The following CACNA1E variants were observed in gnomAD, a reference collection of about 807,000 sequenced individuals.
CACNA1E encodes voltage-dependent R-type calcium channel subunit alpha-1E.
CACNA1E carries 40 observed loss-of-function variants against 259.2 expected under a neutral mutation model. The observed-to-expected ratio is 0.15, with a 90% confidence interval of 0.12 to 0.20. The LOEUF is 0.20. CACNA1E is among the 10% of genes least tolerant of loss of function. The probability of loss-of-function intolerance (pLI) is 1.00; values close to 1 mark genes in which losing one functional copy is unlikely to be tolerated. For synonymous variants in CACNA1E, 1,104 were observed against 1,138.5 expected, an observed-to-expected ratio of 0.97 and a Z score of 0.61; for missense variants, 1,874 against 3,040.1, an observed-to-expected ratio of 0.62 and a Z score of 9.02.
chr1:181,481,687 T>G (rs1389943535), upstream of CACNA1E, among the ~76,000 whole-genome samples: 1 of 152,136 alleles, frequency 6.6e-6, no homozygotes, highest in African/African-American at 2.4e-5. Context: ...CCAGCTAGTG[T>G]GGACATGGGA....
chr1:181,349,365 C>G (rs1166144243), intron 1 of CACNA1E, among the ~76,000 whole-genome samples: 3 of 152,228 alleles, frequency 2.0e-5, no homozygotes, highest in Admixed American at 1.3e-4. Flanking sequence ...GAGAGGAAGC[C>G]TCGGGGAGCC....
At chr1:181,661,406 T>C (rs1365236988) in intron 7 of CACNA1E, among the ~76,000 whole-genome samples, 2 of 152,106 alleles carry the variant, frequency 1.3e-5, no homozygotes, top group African/African-American at 4.8e-5. Context: ...GGGGGCCAGG[T>C]GTCGGATCTG....
Position 181,763,426 on chromosome 1 carries a change from C to T in CACNA1E, c.4710C>T (p.Phe1570=), listed in dbSNP as rs1486237147. Residue 1570 remains phenylalanine (F), a synonymous_variant, in exon 34 of 48, where the codon TTC becomes TTT. Transcript: ENST00000367573. ...TDSKLVNTSG[F]NMSFLKLFRA... ...ACCAGCTGGTGAACACCAGTGGCTT[C>T]AATATGAGCTTTCTGAAGCTCTTCC... 1.3e-6 allele frequency: 2 copies of T among 1,598,862 alleles called. No homozygotes were observed. The highest frequency in any genetic ancestry group is 3.4e-5 in the Admixed American group (2 of 59,604).
rs530164746 is a variant in CACNA1E at position 181,744,436 on chromosome 1, C to T, written c.3719+5183C>T. On this transcript the variant is annotated intron_variant, in intron 25 of 47. Transcript: ENST00000367573. ...GTTTGAGAATATGGTCCTCTGGTTC[C>T]GGATTTGCTTGTGGGATTTTGTGTT... Among the ~76,000 whole-genome samples the T allele has an allele frequency of 3.9e-5, 6 of 152,238 alleles. No individual in the cohort carries two copies. The East Asian group carries it at 7.7e-4, about 20-fold the overall frequency.
At chr1:181,391,939 CTCTCTCTGTGTGTG>C (rs1462721876) in intron 1 of CACNA1E, among the ~76,000 whole-genome samples, 1,271 of 110,958 alleles carry the variant, frequency 0.011, 17 homozygotes, top group African/African-American at 0.049. Flanking sequence ...CTCTCTCTCT[CTCTCTCTGTGTGTG>C]TGTGTGTGTG....
At chr1:181,538,506 G>A (rs372804964) in intron 3 of CACNA1E, among the ~76,000 whole-genome samples, 2 of 152,190 alleles carry the variant, frequency 1.3e-5, no homozygotes, top group African/African-American at 2.4e-5. Flanking sequence ...ATACGTAAAT[G>A]TGCATGTATA....
chr1:181,663,691 G>T (rs778687355), intron 7 of CACNA1E, among the ~76,000 whole-genome samples: 10 of 152,280 alleles, frequency 6.6e-5, no homozygotes, highest in Admixed American at 5.9e-4. Flanking sequence ...CGAAAAACCT[G>T]CAGAGAAGCT....
intron 3 of CACNA1E, among the ~76,000 whole-genome samples, chr1:181,524,649 C>T (rs1667224812): frequency 6.6e-6 from 1 of 152,190 alleles, no homozygotes; most frequent in East Asian, 1.9e-4. Flanking sequence ...CCTCTATGAT[C>T]TCGTGGTTTA....
At chr1:181,709,266 C>T (rs1332084834) in intron 7 of CACNA1E, among the ~76,000 whole-genome samples, 1 of 152,206 alleles carries the variant, frequency 6.6e-6, no homozygotes, top group African/African-American at 2.4e-5. Flanking sequence ...TATCCTGGCC[C>T]TCACTGGCCC....
rs200603172 is a variant in CACNA1E at position 181,651,409 on chromosome 1, T to C, written c.1023T>C (p.Phe341=). 3,347 of 1,613,850 alleles carry C rather than the reference T, an allele frequency of 2.1e-3. 16 individuals carry two copies. Among genetic ancestry groups the C allele is most frequent in the Non-Finnish European group, 1.9e-3 (2,252 of 1,179,744 alleles). Residue 341 remains phenylalanine (F), a synonymous_variant, in exon 7 of 48, where the codon TTT becomes TTC. Coordinates refer to ENST00000367573, the MANE Select transcript of CACNA1E (RefSeq NM_001205293.3). ...CCCTCATCATCATTGGATCCTTCTT[T>C]GTTCTCAACCTAGTCCTGGGAGTGC... ...FIPLIIIGSF[F]VLNLVLGVLS...
At chr1:181,423,083 C>T (rs941279108) in intron 2 of CACNA1E, among the ~76,000 whole-genome samples, 4 of 152,172 alleles carry the variant, frequency 2.6e-5, no homozygotes, top group Non-Finnish European at 4.4e-5. Flanking sequence ...ATCCAAATTA[C>T]GTAAAAACAT....
rs147374740 is a variant in CACNA1E, at chr1:181,748,750, A to G, written c.3720-1726A>G. 6.9e-3 allele frequency among the ~76,000 whole-genome samples: 1,045 copies of G among 152,328 alleles called. 10 individuals are homozygous for G. Among genetic ancestry groups the G allele is most frequent in the Non-Finnish European group, 8.9e-3 (603 of 68,018 alleles). On this transcript the variant is annotated intron_variant, in intron 25 of 47. Coordinates refer to ENST00000367573, the MANE Select transcript of CACNA1E (RefSeq NM_001205293.3). ...ATTTTTCCTATGGCAGCTTGCAGTT[A>G]TACTTTTATTAATGTGCTTGTTTAC...
chr1:181,728,318 A>G (rs1266282715), intron 18 of CACNA1E, among the ~76,000 whole-genome samples: 2 of 152,192 alleles, frequency 1.3e-5, no homozygotes, highest in African/African-American at 4.8e-5. Flanking sequence ...TATTTCTGGA[A>G]TGAAAGAATG....
chr1:181,352,079 A>G (rs1158547694), intron 1 of CACNA1E, among the ~76,000 whole-genome samples: 1 of 152,234 alleles, frequency 6.6e-6, no homozygotes, highest in Non-Finnish European at 1.5e-5. Context: ...GAATCCTGCC[A>G]TCAGCTGGAG....
intron 5 of CACNA1E, 35 bp downstream of exon 5, chr1:181,579,259 T>C: frequency 6.4e-7 from 1 of 1,565,738 alleles, no homozygotes; most frequent in Non-Finnish European, 8.7e-7. Flanking sequence ...TCCTTTTCCC[T>C]TCTCCCCTCT....
chr1:181,710,837 G>A, intron 7 of CACNA1E, 117 bp from the exon 8 acceptor site: 1 of 720,274 alleles, frequency 1.4e-6, no homozygotes, highest in Non-Finnish European at 2.5e-6. Flanking sequence ...AGGGGAAAGG[G>A]TACATGGGCT....
intron 6 of CACNA1E, among the ~76,000 whole-genome samples, chr1:181,594,744 AG>A (rs1652989675): frequency 6.6e-6 from 1 of 152,202 alleles, no homozygotes; most frequent in African/African-American, 2.4e-5. Context: ...CCATGGTATT[AG>A]GCAAGTCACG....
chr1:181,734,061 G>A (rs1301698681), intron 21 of CACNA1E, among the ~76,000 whole-genome samples: 1 of 152,126 alleles, frequency 6.6e-6, no homozygotes, highest in East Asian at 1.9e-4. Flanking sequence ...AATATTTGAT[G>A]GTGTTGTCTG....
chr1:181,407,435 T>C (rs1398061620), intron 1 of CACNA1E, among the ~76,000 whole-genome samples: 1 of 152,202 alleles, frequency 6.6e-6, no homozygotes, highest in Non-Finnish European at 1.5e-5. Flanking sequence ...CACACTGCTT[T>C]TAGGACAGTG....
Sources: gnomAD v4.1 joint callset for allele counts (sites outside exome capture counted in the v4.1 genomes callset) on GRCh38, gnomAD v4.1.1 for gene constraint, MANE v1.5 for transcripts, NCBI Gene and HGNC (gene_info 2026-07-23, HGNC 2026-07-21) for gene names.